The following RFLNA variants were observed in gnomAD, a reference collection of about 807,000 sequenced individuals.
RFLNA encodes refilin A, also known as refilin-A.
RFLNA carries 5 observed loss-of-function variants against 7.8 expected under a neutral mutation model. The observed-to-expected ratio is 0.64, with a 90% CI of 0.34 to 1.35. RFLNA has a LOEUF of 1.35. Among genes scored for constraint, RFLNA ranks in the 40% most tolerant of loss-of-function variants. The pLI, the probability that RFLNA is intolerant of heterozygous loss-of-function variation, is 0.04. For missense variants in RFLNA, 278 were observed against 305.5 expected (o/e 0.91, Z 0.67); for synonymous variants, 141 against 131.3 (o/e 1.07, Z -0.50).
chr12:124,294,262 C>T (rs2033866140), upstream of RFLNA, among the ~76,000 whole-genome samples: 1 of 152,144 alleles, frequency 6.6e-6, no homozygotes, highest in Non-Finnish European at 1.5e-5. Flanking sequence ...TGGAGTCTAC[C>T]TCTGTTCTCT....
chr12:124,295,046 G>C (rs548137066), upstream of RFLNA, among the ~76,000 whole-genome samples: 514 of 152,192 alleles, frequency 3.4e-3, 2 homozygotes, highest in Non-Finnish European at 5.4e-3. Context: ...GGAGAGGAAG[G>C]GGGAGGAGGA....
At position 124,295,487 on chromosome 12, in the gene RFLNA, G is replaced by A; in HGVS notation, c.58G>A (p.Glu20Lys). Residue 20 changes from glutamate to lysine, a missense_variant, in exon 1 of 3, where the codon GAG becomes AAG. Physicochemically the swap from Glu to Lys is moderately conservative, Grantham distance 56. Transcript: ENST00000546355. ...MEDSLKEQGR[E>K]GLLDSPDSGL... ...GGACAGCCTGAAGGAGCAGGGCCGG[G>A]AGGGCTTGCTGGACAGCCCCGACTC... is the stretch of plus-strand genomic sequence containing the variant. The A allele has an allele frequency of 7.8e-7, 1 of 1,277,538 alleles. No homozygotes were observed. The highest frequency in any genetic ancestry group is 9.9e-7 in the Non-Finnish European group (1 of 1,014,566). The allele number at this position is 1,277,538 out of a possible 1,614,324, so 79.1% of individuals were successfully genotyped here. A position where few individuals can be genotyped will look rare whatever the true frequency, so the allele number is the denominator to read the frequency against.
intron 2 of RFLNA, among the ~76,000 whole-genome samples, chr12:124,312,223 G>C (rs900859931): frequency 1.3e-5 from 2 of 151,934 alleles, no homozygotes; most frequent in Admixed American, 6.6e-5. Flanking sequence ...TCCTCCAAAA[G>C]GCTTTTATTT....
intron 2 of RFLNA, among the ~76,000 whole-genome samples, chr12:124,313,920 G>A (rs954416722): frequency 3.3e-5 from 5 of 152,254 alleles, no homozygotes; most frequent in African/African-American, 9.6e-5. Context: ...CCATCGTCCC[G>A]ATAAGGTCCT....
Position 124,314,989 on chromosome 12 carries a change from G to A in RFLNA, c.*464G>A, listed in dbSNP as rs2034326029. ...GCCAAGGCCATGTGTGAGGGAAGAG[G>A]GGTACCTCTCTTCCCTGCTGCTGGC... On this transcript the variant is annotated 3_prime_UTR_variant, in exon 3 of 3. Coordinates refer to ENST00000546355, the MANE Select transcript of RFLNA (RefSeq NM_001365156.1). 1.3e-5 allele frequency: 4 copies of A among 296,906 alleles called. No individual in the cohort carries two copies. In the Admixed American group the frequency reaches 1.7e-4, roughly 13 times the overall value. 18.4% of individuals were successfully genotyped at this position (296,906 alleles called of 1,614,324 possible).
At chr12:124,305,647 C>T (rs1052569136) in intron 1 of RFLNA, among the ~76,000 whole-genome samples, 3 of 152,202 alleles carry the variant, frequency 2.0e-5, no homozygotes, top group Non-Finnish European at 2.9e-5. Context: ...TCATCAAAGC[C>T]GGCAGTGCAG....
intron 1 of RFLNA, among the ~76,000 whole-genome samples, chr12:124,310,346 G>T (rs2034220355): frequency 6.6e-6 from 1 of 151,904 alleles, no homozygotes; most frequent in South Asian, 2.1e-4. Context: ...CTGTGAGGCT[G>T]AGTCTGGCGG....
At chr12:124,291,795 A>G (rs2033828977), upstream of RFLNA, among the ~76,000 whole-genome samples, 1 of 151,994 alleles carries the variant, frequency 6.6e-6, no homozygotes, top group Non-Finnish European at 1.5e-5. Context: ...GCATTCTGGG[A>G]AAATCCCCCT....
intron 1 of RFLNA, among the ~76,000 whole-genome samples, chr12:124,307,862 G>A (rs751199296): frequency 6.6e-6 from 1 of 152,170 alleles, no homozygotes; most frequent in Non-Finnish European, 1.5e-5. Flanking sequence ...CTGCCTCAGA[G>A]GGCTCCAGGG....
chr12:124,296,595 T>G (rs1434491544), intron 1 of RFLNA, among the ~76,000 whole-genome samples: 1 of 152,048 alleles, frequency 6.6e-6, no homozygotes, highest in Non-Finnish European at 1.5e-5. Flanking sequence ...TGCCTGGCAC[T>G]CACAGGGCAA....
Position 124,314,440 on chromosome 12 carries a change from G to A in RFLNA, c.566G>A (p.Arg189Gln), listed in dbSNP as rs754732526. 4.4e-6 allele frequency: 7 copies of A among 1,601,930 alleles called. No individual in the cohort carries two copies. The highest frequency in any genetic ancestry group is 5.9e-6 in the Non-Finnish European group (7 of 1,179,602). The change falls in exon 3 of 3, where the codon CGG (arginine) becomes CAG (glutamine). Residue 189 changes from arginine (R) to glutamine (Q), a missense_variant. Arg to Gln is a conservative substitution (Grantham distance 43, BLOSUM62 1). Coordinates refer to ENST00000546355, the MANE Select transcript of RFLNA (RefSeq NM_001365156.1). ...ACCACCCTGCACTGCAGCCTGGGCCGGCCCAGCCGCTGGTTCACCGCCAGC... is the reference window on the plus strand; with the variant it reads ...ACCACCCTGCACTGCAGCCTGGGCCAGCCCAGCCGCTGGTTCACCGCCAGC... ...FRTTLHCSLG[R>Q]PSRWFTASVQ...
chr12:124,310,272 C>T (rs1385596442), intron 1 of RFLNA, among the ~76,000 whole-genome samples: 1 of 150,046 alleles, frequency 6.7e-6, no homozygotes, highest in African/African-American at 2.5e-5. Flanking sequence ...GCTGGGCTGG[C>T]CCTGAAGGAC....
At chr12:124,296,133 TCTCTCTTCTTC>T (rs2033916130) in intron 1 of RFLNA, among the ~76,000 whole-genome samples, 1 of 2,678 alleles carries the variant, frequency 3.7e-4, no homozygotes, top group African/African-American at 4.4e-4. Context: ...TCTCTCTCTC[TCTCTCTTCTTC>T]TCTTCTCTTC....
intron 1 of RFLNA, among the ~76,000 whole-genome samples, chr12:124,307,260 C>T (rs1020487786): frequency 6.6e-6 from 1 of 152,212 alleles, no homozygotes; most frequent in Non-Finnish European, 1.5e-5. Flanking sequence ...CACGGTGCCC[C>T]ACTGCCTCAG....
chr12:124,304,015 G>A (rs190618677), intron 1 of RFLNA, among the ~76,000 whole-genome samples: 165 of 152,336 alleles, frequency 1.1e-3, no homozygotes, highest in African/African-American at 3.9e-3. Flanking sequence ...CCCAGTCTTC[G>A]GCAGTATCTC....
chr12:124,311,959 AGGGGGTGG>A, intron 2 of RFLNA, 32 bp downstream of exon 2: 1 of 239,992 alleles, frequency 4.2e-6, no homozygotes, highest in Non-Finnish European at 7.3e-6. Context: ...GCGCGGGAGG[AGGGGGTGG>A]GGGGTTGGGT....
At chr12:124,298,544 T>C (rs902761645) in intron 1 of RFLNA, among the ~76,000 whole-genome samples, 1 of 152,068 alleles carries the variant, frequency 6.6e-6, no homozygotes, top group African/African-American at 2.4e-5. Flanking sequence ...CAGGCATTGG[T>C]CCCCCCAGTA....
intron 1 of RFLNA, among the ~76,000 whole-genome samples, chr12:124,296,102 TTC>T (rs575221473): frequency 1.5e-3 from 8 of 5,284 alleles, no homozygotes; most frequent in Admixed American, 3.8e-3. Context: ...CTTTCTTTCT[TTC>T]TTTCTTTCTT....
chr12:124,308,043 G>A (rs1164705027), intron 1 of RFLNA, among the ~76,000 whole-genome samples: 3 of 151,028 alleles, frequency 2.0e-5, no homozygotes, highest in Non-Finnish European at 2.9e-5. Context: ...GTACAGTGGC[G>A]CGATCTCGGC....
Sources: gnomAD v4.1 joint callset for allele counts (sites outside exome capture counted in the v4.1 genomes callset) on GRCh38, gnomAD v4.1.1 for gene constraint, MANE v1.5 for transcripts, NCBI Gene and HGNC (gene_info 2026-07-23, HGNC 2026-07-21) for gene names.